VPS13B: variants seen among roughly 807,000 people sequenced by gnomAD.
VPS13B encodes intermembrane lipid transfer protein VPS13B.
In VPS13B, 285 loss-of-function variants were observed where a neutral mutation model predicts 426.4. The observed-to-expected ratio is 0.67, with a 90% CI of 0.61 to 0.74. The LOEUF (loss-of-function observed/expected upper bound fraction) is 0.74, where lower values mean the gene tolerates loss of function less well. VPS13B is among the 30% of genes least tolerant of loss of function. The probability of loss-of-function intolerance (pLI) is 0.00; values close to 1 mark genes in which losing one functional copy is unlikely to be tolerated. For synonymous variants in VPS13B, 1,676 were observed against 1,676.4 expected (o/e 1.00, Z 0.01); for missense variants, 4,537 against 4,782.6 (o/e 0.95, Z 1.51).
intron 30 of VPS13B, among the ~76,000 whole-genome samples, chr8:99,532,838 C>T (rs1197004462): frequency 1.3e-5 from 2 of 150,308 alleles, no homozygotes; most frequent in African/African-American, 2.4e-5. Flanking sequence ...CACACTTCTT[C>T]AGCAGAAATT....
At chr8:99,539,194 C>T (rs1397016197) in intron 30 of VPS13B, among the ~76,000 whole-genome samples, 1 of 152,016 alleles carries the variant, frequency 6.6e-6, no homozygotes, top group Non-Finnish European at 1.5e-5. Flanking sequence ...ATAACTGAGG[C>T]CTTTCACCAT....
At chr8:99,708,226 AAACTAACACAACT>A (rs1832567191) in intron 36 of VPS13B, among the ~76,000 whole-genome samples, 1 of 152,126 alleles carries the variant, frequency 6.6e-6, no homozygotes, top group African/African-American at 2.4e-5. Flanking sequence ...TTTTTCTAAT[AAACTAACACAACT>A]GTAAAAACCG....
chr8:99,411,833 CT>C (rs1431237481), intron 21 of VPS13B, among the ~76,000 whole-genome samples: 2 of 151,792 alleles, frequency 1.3e-5, no homozygotes, highest in African/African-American at 2.4e-5. Flanking sequence ...TTCTCCATTG[CT>C]TTTTTTTCAG....
intron 31 of VPS13B, among the ~76,000 whole-genome samples, chr8:99,568,212 T>C (rs1030833190): frequency 2.0e-5 from 3 of 152,048 alleles, no homozygotes; most frequent in Non-Finnish European, 2.9e-5. Flanking sequence ...TTTAATTGCA[T>C]TTGAAAGTCA....
chr8:99,275,330 T>G, intron 19 of VPS13B, 76 bp downstream of exon 19: 1 of 1,358,220 alleles, frequency 7.4e-7, no homozygotes, highest in Admixed American at 2.6e-5. Flanking sequence ...TTAAAATTGG[T>G]ATATATTTTT....
intron 19 of VPS13B, among the ~76,000 whole-genome samples, chr8:99,317,826 C>T (rs1296249688): frequency 2.0e-5 from 3 of 152,134 alleles, no homozygotes; most frequent in African/African-American, 7.2e-5. Flanking sequence ...GGATATGTAA[C>T]ACCATGTGAA....
At chr8:99,747,876 G>A (rs1226847085) in intron 39 of VPS13B, among the ~76,000 whole-genome samples, 2 of 151,894 alleles carry the variant, frequency 1.3e-5, no homozygotes, top group Admixed American at 6.6e-5. Flanking sequence ...GGCAGGGTCA[G>A]GAGAAGAGGA....
chr8:99,190,342 C>CTT (rs796382654), intron 16 of VPS13B, among the ~76,000 whole-genome samples: 2 of 142,262 alleles, frequency 1.4e-5, no homozygotes, highest in African/African-American at 2.6e-5. Flanking sequence ...ATATATGGGT[C>CTT]TTTTTTTTTT....
chr8:99,317,585 C>A (rs1331863885), intron 19 of VPS13B, among the ~76,000 whole-genome samples: 1 of 152,016 alleles, frequency 6.6e-6, no homozygotes, highest in Admixed American at 6.6e-5. Context: ...TAACTGAAAT[C>A]CTCTGGGTAA....
rs530346014 is a variant in VPS13B, at chr8:99,843,912, T to C, written c.9943-4864T>C. On this transcript the variant is annotated intron_variant, in intron 54 of 61. Coordinates refer to ENST00000357162, the MANE Select transcript of VPS13B (RefSeq NM_152564.5). Reference sequence around the variant, plus strand: ...ACCTATTTGGTTCCAGAAAATTCCCTGTGCCAGGAACCATATTCATGGTCC... The same window carrying C: ...ACCTATTTGGTTCCAGAAAATTCCCCGTGCCAGGAACCATATTCATGGTCC... Among the ~76,000 whole-genome samples, 4 of 152,354 alleles carry C rather than the reference T, an allele frequency of 2.6e-5. No individual in the cohort carries two copies. In the East Asian group the frequency reaches 5.8e-4, roughly 22 times the overall value.
At chr8:99,289,794 T>A (rs1819632088) in intron 19 of VPS13B, among the ~76,000 whole-genome samples, 1 of 152,128 alleles carries the variant, frequency 6.6e-6, no homozygotes, top group South Asian at 2.1e-4. Context: ...AAAAAATCAG[T>A]TTGATATTGT....
intron 14 of VPS13B, among the ~76,000 whole-genome samples, chr8:99,148,392 T>G (rs1405287002): frequency 7.7e-6 from 1 of 130,218 alleles, no homozygotes. Context: ...AAGATAAAAG[T>G]ATCTGCTTAT....
intron 33 of VPS13B, among the ~76,000 whole-genome samples, chr8:99,629,698 G>A (rs1014764708): frequency 2.6e-5 from 4 of 152,120 alleles, no homozygotes; most frequent in Admixed American, 1.3e-4. Context: ...TTAAAGAGGA[G>A]GCCCCAGCAT....
intron 39 of VPS13B, among the ~76,000 whole-genome samples, chr8:99,724,704 C>G (rs959823695): frequency 5.9e-5 from 9 of 152,166 alleles, no homozygotes; most frequent in Admixed American, 5.9e-4. Context: ...CTCCCCTCCG[C>G]TTTTTCTTAT....
At chr8:99,785,682 A>C (rs1319154105) in intron 43 of VPS13B, among the ~76,000 whole-genome samples, 1 of 152,094 alleles carries the variant, frequency 6.6e-6, no homozygotes, top group Non-Finnish European at 1.5e-5. Flanking sequence ...ATTTGTTTCA[A>C]ATTCATCTAT....
chr8:99,187,041 A>G (rs536658805), intron 16 of VPS13B, among the ~76,000 whole-genome samples: 6 of 152,302 alleles, frequency 3.9e-5, no homozygotes, highest in Admixed American at 3.3e-4. Context: ...ATATTGCCAT[A>G]CAAATACTTA....
intron 7 of VPS13B, among the ~76,000 whole-genome samples, chr8:99,119,110 A>T (rs1320578825): frequency 6.6e-6 from 1 of 151,768 alleles, no homozygotes; most frequent in Non-Finnish European, 1.5e-5. Flanking sequence ...TTTAATTTGC[A>T]TTTTTTGATG....
chr8:99,875,441 G>A lies in VPS13B; in HGVS notation c.11769G>A (p.Leu3923=), dbSNP rs750806587. 7 of 1,614,042 alleles carry A rather than the reference G, an allele frequency of 4.3e-6. No individual in the cohort carries two copies. The South Asian group carries it at 6.6e-5, about 15-fold the overall frequency. The change falls in exon 62 of 62, where the codon CTG becomes CTA. Residue 3923 remains leucine (L), a synonymous_variant. Coordinates refer to ENST00000357162, the MANE Select transcript of VPS13B (RefSeq NM_152564.5). ...DVEVDGVRER[L]SEQQYNRLVD... is the part of the protein sequence containing the mutation. ...AGGTAGATGGAGTCCGAGAGAGACT[G>A]TCAGAGCAACAGTACAACAGACTGG...
In VPS13B at chr8:99,853,876, A is replaced by T. The variant is rs768813962; in HGVS notation, c.10487A>T (p.Glu3496Val). 6.2e-7 allele frequency: 1 copy of T among 1,614,246 alleles called. No individual in the cohort carries two copies. Among genetic ancestry groups the T allele is most frequent in the East Asian group, 2.2e-5 (1 of 44,888 alleles). ...AAGAGCATCCTCTGTGATATTAATGAGTTCAGCTTTGAATTAAAACCTGCT... is the reference window on the plus strand; with the variant it reads ...AAGAGCATCCTCTGTGATATTAATGTGTTCAGCTTTGAATTAAAACCTGCT... ...EGKSILCDIN[E>V]FSFELKPARL... Residue 3496 changes from glutamate (E) to valine (V), a missense_variant, in exon 56 of 62, where the codon GAG (glutamate) becomes GTG (valine). By Grantham distance (121) the Glu-to-Val change is moderately radical. Around this residue, in one of 2 missense-constraint regions of VPS13B, gnomAD observed 4,311 missense variants for 4,474.3 expected, o/e 0.96. Coordinates refer to ENST00000357162, the MANE Select transcript of VPS13B (RefSeq NM_152564.5).
Sources: gnomAD v4.1 joint callset for allele counts (sites outside exome capture counted in the v4.1 genomes callset) on GRCh38, gnomAD v4.1.1 for gene constraint, gnomAD v4.1.1 regional missense constraint, MANE v1.5 for transcripts, NCBI Gene and HGNC (gene_info 2026-07-23, HGNC 2026-07-21) for gene names.